Variants in ABCA13 observed in about 807,000 individuals in gnomAD.
ABCA13 encodes ATP-binding cassette sub-family A member 13.
Under a neutral mutation model 478.7 loss-of-function variants are expected in ABCA13, and 476 were observed. That is an observed-to-expected ratio of 0.99 (90% CI 0.92 to 1.07). The LOEUF (loss-of-function observed/expected upper bound fraction) is 1.07, where lower values mean the gene tolerates loss of function less well. Ranked by LOEUF, ABCA13 falls within the 50% of genes least tolerant of loss-of-function variation. The pLI, the probability that ABCA13 is intolerant of heterozygous loss-of-function variation, is 0.00. For synonymous variants in ABCA13, 2,252 were observed against 2,158.9 expected, an observed-to-expected ratio of 1.04 and a Z score of -1.20; for missense variants, 6,060 against 5,910.6, an observed-to-expected ratio of 1.03 and a Z score of -0.83.
chr7:48,340,124 A>G (rs896829005), intron 29 of ABCA13, among the ~76,000 whole-genome samples: 1 of 151,872 alleles, frequency 6.6e-6, no homozygotes, highest in Non-Finnish European at 1.5e-5. Flanking sequence ...TATTTTTTTT[A>G]GACAAGAGTT....
chr7:48,463,412 C>T (rs1210344231), intron 43 of ABCA13, among the ~76,000 whole-genome samples: 1 of 152,114 alleles, frequency 6.6e-6, no homozygotes, highest in African/African-American at 2.4e-5. Context: ...GAATAGAAGG[C>T]ATCAGCTCCT....
At chr7:48,403,947 G>A in intron 39 of ABCA13, 68 bp downstream of exon 39, 1 of 1,524,148 alleles carries the variant, frequency 6.6e-7, no homozygotes, top group Non-Finnish European at 8.9e-7. Flanking sequence ...CATTGCTACT[G>A]TACAGTAGAA....
chr7:48,480,319 C>T (rs373346965), intron 45 of ABCA13, among the ~76,000 whole-genome samples: 1 of 152,248 alleles, frequency 6.6e-6, no homozygotes, highest in East Asian at 1.9e-4. Flanking sequence ...TGGCAACACT[C>T]ATTGTTTCAG....
chr7:48,632,249 C>T (rs1794229705), intron 59 of ABCA13, among the ~76,000 whole-genome samples: 1 of 151,998 alleles, frequency 6.6e-6, no homozygotes, highest in South Asian at 2.1e-4. Flanking sequence ...TCTGGGTGCT[C>T]TTTGGCCATT....
At chr7:48,342,731 C>T (rs939514733) in intron 29 of ABCA13, among the ~76,000 whole-genome samples, 2 of 152,108 alleles carry the variant, frequency 1.3e-5, no homozygotes, top group Non-Finnish European at 2.9e-5. Flanking sequence ...TCACAGTGTT[C>T]AATGCTTCTT....
chr7:48,647,200 C>T lies in ABCA13; in HGVS notation c.*1688C>T, dbSNP rs1359716931. 2.0e-5 allele frequency: 3 copies of T among 152,172 alleles called. No individual in the cohort carries two copies. Among genetic ancestry groups the T allele is most frequent in the Non-Finnish European group, 4.4e-5 (3 of 68,022 alleles). 9.4% of individuals were successfully genotyped at this position (152,172 alleles called of 1,614,324 possible). ...TTACTAAAGCAAGATTTCATTAAAT[C>T]TCTATTTCCTAAATATCATTCTATA... On this transcript the variant is annotated 3_prime_UTR_variant, in exon 62 of 62. Transcript: ENST00000435803.
chr7:48,481,225 A>G, intron 46 of ABCA13, 71 bp downstream of exon 46: 1 of 1,298,958 alleles, frequency 7.7e-7, no homozygotes, highest in East Asian at 2.5e-5. Flanking sequence ...TTTAAATGCT[A>G]ATGTTCTTAA....
At chr7:48,503,470 G>A (rs993368957) in intron 48 of ABCA13, among the ~76,000 whole-genome samples, 9 of 152,170 alleles carry the variant, frequency 5.9e-5, no homozygotes, top group African/African-American at 2.2e-4. Flanking sequence ...TGAGGTGACA[G>A]CCTTCTACTC....
chr7:48,423,442 A>G (rs1191998962), intron 41 of ABCA13, among the ~76,000 whole-genome samples: 2 of 152,148 alleles, frequency 1.3e-5, no homozygotes, highest in Non-Finnish European at 2.9e-5. Context: ...CATCTCCAGG[A>G]CACAATCCAT....
chr7:48,330,029 TTATCCATC>T (rs1805009574), intron 27 of ABCA13, among the ~76,000 whole-genome samples: 2 of 109,032 alleles, frequency 1.8e-5, no homozygotes, highest in Admixed American at 2.1e-4. Flanking sequence ...ATTGATCTAT[TTATCCATC>T]CATCCATCCA....
rs761558117 is a variant in ABCA13 at position 48,317,281 on chromosome 7, C to T, written c.9984C>T (p.Asn3328=). The T allele has an allele frequency of 1.9e-6, 3 of 1,613,014 alleles. No homozygotes were observed. Among genetic ancestry groups the T allele is most frequent in the Non-Finnish European group, 2.5e-6 (3 of 1,179,680 alleles). Reference sequence around the variant, plus strand: ...ACACACCAAACACTCCAGAAATTAACAAGGTCATTCAAAAGGTAAGTTAAA... The same window carrying T: ...ACACACCAAACACTCCAGAAATTAATAAGGTCATTCAAAAGGTAAGTTAAA... The part of the protein sequence containing the change: ...ILYTPNTPEI[N]KVIQKANYTF... The change falls in exon 27 of 62, where the codon AAC becomes AAT. Residue 3328 remains asparagine, a synonymous_variant. Transcript: ENST00000435803.
At chr7:48,532,861 A>G (rs1230159470) in intron 55 of ABCA13, among the ~76,000 whole-genome samples, 1 of 151,488 alleles carries the variant, frequency 6.6e-6, no homozygotes, top group Non-Finnish European at 1.5e-5. Context: ...CTCTTTTTTC[A>G]TTTGTAATTG....
At chr7:48,511,262 G>A (rs1831658952) in intron 51 of ABCA13, 63 bp downstream of exon 51, 1 of 1,389,286 alleles carries the variant, frequency 7.2e-7, no homozygotes, top group African/African-American at 1.4e-5. Flanking sequence ...AAACCCTCAG[G>A]ATGGCTTTGA....
chr7:48,563,485 G>T (rs1331491740), intron 55 of ABCA13, among the ~76,000 whole-genome samples: 1 of 152,152 alleles, frequency 6.6e-6, no homozygotes, highest in Non-Finnish European at 1.5e-5. Context: ...CAGATAAAGA[G>T]ATAAGAATGA....
chr7:48,391,088 A>G (rs2129055116), intron 37 of ABCA13, among the ~76,000 whole-genome samples: 1 of 152,328 alleles, frequency 6.6e-6, no homozygotes, highest in East Asian at 1.9e-4. Context: ...TTCTGTTGGT[A>G]AAGTCGGTCA....
intron 59 of ABCA13, among the ~76,000 whole-genome samples, 189 bp downstream of exon 59, chr7:48,615,566 A>G (rs78389213): frequency 0.025 from 3,705 of 151,012 alleles, 61 homozygotes; most frequent in South Asian, 0.063. Flanking sequence ...TCCCAAACAC[A>G]GTCTAGTGTT....
At chr7:48,410,471 C>A (rs1258056519) in intron 39 of ABCA13, 49 bp from the exon 40 acceptor site, 2 of 1,610,410 alleles carry the variant, frequency 1.2e-6, no homozygotes, top group Non-Finnish European at 8.5e-7. Context: ...GAAGGTCCTC[C>A]TGGGGCCTTT....
At chr7:48,475,307 A>G (rs1426683587) in intron 45 of ABCA13, among the ~76,000 whole-genome samples, 1 of 152,142 alleles carries the variant, frequency 6.6e-6, no homozygotes, top group African/African-American at 2.4e-5. Context: ...GTGTGGAAGG[A>G]AGGCCTATAG....
intron 15 of ABCA13, among the ~76,000 whole-genome samples, chr7:48,259,510 G>A (rs1266733820): frequency 6.6e-6 from 1 of 151,882 alleles, no homozygotes; most frequent in Non-Finnish European, 1.5e-5. Context: ...ATGTGAGATG[G>A]GTCTCTTGAA....
Sources: gnomAD v4.1 joint callset for allele counts (sites outside exome capture counted in the v4.1 genomes callset) on GRCh38, gnomAD v4.1.1 for gene constraint, MANE v1.5 for transcripts, NCBI Gene and HGNC (gene_info 2026-07-23, HGNC 2026-07-21) for gene names.